LRRC74B: variants seen among roughly 807,000 people sequenced by gnomAD.
LRRC74B encodes the protein leucine rich repeat containing 74B.
A neutral mutation model predicts 16.6 loss-of-function variants in LRRC74B; 30 were observed. The observed-to-expected ratio is 1.80, with a 90% CI of 1.35 to 2.45. The LOEUF (loss-of-function observed/expected upper bound fraction) is 2.45, where lower values mean the gene tolerates loss of function less well. Ranked by LOEUF, LRRC74B falls within the 30% of genes most tolerant of loss-of-function variation. LRRC74B has a pLI of 0.00. For synonymous variants in LRRC74B, 134 were observed against 86.0 expected (o/e 1.56, Z -3.09); for missense variants, 326 against 202.4 (o/e 1.61, Z -3.71).
chr22:21,057,887 A>ATTTTTT (rs4051931), intron 8 of LRRC74B, among the ~76,000 whole-genome samples: 1 of 122,096 alleles, frequency 8.2e-6, no homozygotes, highest in Non-Finnish European at 1.8e-5. Context: ...GTCAATTTTG[A>ATTTTTT]TTTTTTTTTT....
rs1930754422 is a variant in LRRC74B at position 21,060,413 on chromosome 22, C to T, written c.1064C>T (p.Ser355Leu). The change falls in exon 9 of 9, where the codon TCA becomes TTA. Residue 355 changes from serine (S) to leucine (L), a missense_variant. Transcript: ENST00000442047. ...GCAGAGTTTGATGGCCTTGCTAGCT[C>T]AGTGAGGGGAATTCTTCCAGAACTC... 2.5e-5 allele frequency: 18 copies of T among 716,938 alleles called. 1 individual carries two copies. The highest frequency in any genetic ancestry group is 4.2e-5 in the Non-Finnish European group (16 of 384,848). 44.4% of individuals were successfully genotyped at this position (716,938 alleles called of 1,614,324 possible).
chr22:21,062,320 G>A (rs186788979), downstream of LRRC74B: 3 of 152,290 alleles, frequency 2.0e-5, no homozygotes, highest in East Asian at 1.9e-4. Flanking sequence ...AAAACCGCTC[G>A]ATTGTACATT....
intron 5 of LRRC74B, among the ~76,000 whole-genome samples, chr22:21,052,989 A>C (rs1392434777): frequency 6.6e-6 from 1 of 152,178 alleles, no homozygotes; most frequent in South Asian, 2.1e-4. Context: ...GGTTTCATCC[A>C]ACAGCTGTTC....
Position 21,054,990 on chromosome 22 carries a change from C to T in LRRC74B, c.849-108C>T, listed in dbSNP as rs577179950. 1.4e-4 allele frequency: 91 copies of T among 664,998 alleles called. No homozygotes were observed. The African/African-American group carries it at 1.5e-3, about 11-fold the overall frequency. 41.2% of individuals were successfully genotyped at this position (664,998 alleles called of 1,614,324 possible). A position where few individuals can be genotyped will look rare whatever the true frequency, so the allele number is the denominator to read the frequency against. ...GGTGTGAGTGGAGGGAACAAGAGAC[C>T]CAACCTGGTGGCTGCAATGGCAGCT... On this transcript the variant is annotated intron_variant, in intron 6 of 8. Coordinates refer to ENST00000442047, the Ensembl canonical transcript of LRRC74B.
At chr22:21,047,419 G>A (rs1159236288) in exon 2 of LRRC74B, 2 of 717,548 alleles carry the variant, frequency 2.8e-6, no homozygotes, top group Admixed American at 4.0e-5. Flanking sequence ...CGGGCCCATA[G>A]TGTTGTGCCC....
chr22:21,056,864 A>G (rs1231979333), intron 7 of LRRC74B: 7 of 473,036 alleles, frequency 1.5e-5, no homozygotes, highest in Non-Finnish European at 2.6e-5. Flanking sequence ...CAAGTTCTTA[A>G]AGGCAAGGGT....
At chr22:21,048,916 C>A in intron 3 of LRRC74B, 35 bp from the exon 4 acceptor site, 1 of 709,826 alleles carries the variant, frequency 1.4e-6, no homozygotes. Flanking sequence ...CCTGGCTTTG[C>A]ATCCCACTGG....
intron 3 of LRRC74B, 143 bp downstream of exon 3, chr22:21,048,159 G>A: frequency 1.5e-6 from 1 of 653,204 alleles, no homozygotes; most frequent in Non-Finnish European, 2.8e-6. Flanking sequence ...CACAGGAGGG[G>A]GCATGTGGGG....
chr22:21,048,937 G>T lies in LRRC74B; in HGVS notation c.416-14G>T, dbSNP rs73164871. On this transcript the variant is annotated splice_polypyrimidine_tract_variant and intron_variant, in intron 3 of 8. Coordinates refer to ENST00000442047, the Ensembl canonical transcript of LRRC74B. Reference sequence around the variant, plus strand: ...TTTGCATCCCACTGGCCGAGGAGTGGTTCTGTCCCCCAGATGTGGACCTGT... The same window carrying T: ...TTTGCATCCCACTGGCCGAGGAGTGTTTCTGTCCCCCAGATGTGGACCTGT... The T allele has an allele frequency of 2.8e-6, 2 of 715,588 alleles. No homozygotes were observed. Among genetic ancestry groups the T allele is most frequent in the Admixed American group, 2.0e-5 (1 of 50,000 alleles). The allele number at this position is 715,588 out of a possible 1,614,324, so 44.3% of individuals were successfully genotyped here.
At chr22:21,053,918 C>G (rs1000769452) in intron 6 of LRRC74B, 1 of 153,332 alleles carries the variant, frequency 6.5e-6, no homozygotes, top group African/African-American at 2.4e-5. Context: ...TACATAGAGA[C>G]CTGTGATTCC....
At chr22:21,058,053 T>C (rs1197234318) in intron 8 of LRRC74B, among the ~76,000 whole-genome samples, 2 of 74,412 alleles carry the variant, frequency 2.7e-5, no homozygotes, top group African/African-American at 1.4e-4. Context: ...GCCCGGCTGA[T>C]TTTTTTTTTT....
Position 21,054,614 on chromosome 22 carries a change from C to T in LRRC74B, c.849-484C>T, listed in dbSNP as rs993550236. Among the ~76,000 whole-genome samples, 19 of 152,304 alleles carry T rather than the reference C, an allele frequency of 1.2e-4. No homozygotes were observed. In the South Asian group the frequency reaches 2.1e-3, roughly 17 times the overall value. On this transcript the variant is annotated intron_variant, in intron 6 of 8. Coordinates refer to ENST00000442047, the Ensembl canonical transcript of LRRC74B. Reference sequence around the variant, plus strand: ...GAGGAGCTAAGACTGGAGGCAGCCGCGGAGGCTGAATACGGAGGTGCAGCC... The same window carrying T: ...GAGGAGCTAAGACTGGAGGCAGCCGTGGAGGCTGAATACGGAGGTGCAGCC...
exon 6 of LRRC74B, chr22:21,053,464 A>G (rs1878747573): frequency 1.4e-6 from 1 of 716,786 alleles, no homozygotes. Flanking sequence ...TGTTGGAGGA[A>G]CTCAACATGA....
intron 1 of LRRC74B, 61 bp from the exon 2 acceptor site, chr22:21,047,295 G>A (rs1168647662): frequency 4.3e-6 from 3 of 692,942 alleles, no homozygotes; most frequent in African/African-American, 3.5e-5. Context: ...CACAGGGCAG[G>A]GGAGGACACA....
At chr22:21,051,133 C>G (rs1392072141) in intron 4 of LRRC74B, among the ~76,000 whole-genome samples, 1 of 152,076 alleles carries the variant, frequency 6.6e-6, no homozygotes, top group Non-Finnish European at 1.5e-5. Context: ...GGTTGGGCAA[C>G]AGGGTGAGAC....
chr22:21,049,217 T>A, intron 4 of LRRC74B, 60 bp downstream of exon 4: 1 of 657,162 alleles, frequency 1.5e-6, no homozygotes. Flanking sequence ...CAGGGATGGG[T>A]GGGGGTTGGC....
rs1473676263 is a variant in LRRC74B at position 21,047,153 on chromosome 22, A to T, written c.140-203A>T. On this transcript the variant is annotated intron_variant, in intron 1 of 8. Coordinates refer to ENST00000442047, the Ensembl canonical transcript of LRRC74B. ...GCCCAGGTTGTCCAGCTTTCTTTTGATAGCCGTATGACTTTAAGGAAAAGA... is the reference window on the plus strand; with the variant it reads ...GCCCAGGTTGTCCAGCTTTCTTTTGTTAGCCGTATGACTTTAAGGAAAAGA... 3.2e-4 allele frequency among the ~76,000 whole-genome samples: 48 copies of T among 151,816 alleles called. 1 individual carries two copies. Among genetic ancestry groups the T allele is most frequent in the Admixed American group, 3.1e-3 (48 of 15,256 alleles).
chr22:21,062,453 G>A (rs1930851696), downstream of LRRC74B: 1 of 152,230 alleles, frequency 6.6e-6, no homozygotes, highest in African/African-American at 2.4e-5. Flanking sequence ...GGTGGCTCAC[G>A]CCCATAATCC....
intron 5 of LRRC74B, among the ~76,000 whole-genome samples, chr22:21,052,978 A>G (rs1247042401): frequency 3.3e-5 from 5 of 152,214 alleles, no homozygotes; most frequent in Non-Finnish European, 7.3e-5. Context: ...TACGCTGGAC[A>G]GGTTTCATCC....
Sources: gnomAD v4.1 joint callset for allele counts (sites outside exome capture counted in the v4.1 genomes callset) on GRCh38, gnomAD v4.1.1 for gene constraint, MANE v1.5 for transcripts, NCBI Gene and HGNC (gene_info 2026-07-23, HGNC 2026-07-21) for gene names.